GPM6A: variants seen among roughly 807,000 people sequenced by gnomAD.
GPM6A encodes neuronal membrane glycoprotein M6-a.
A neutral mutation model predicts 32.1 loss-of-function variants in GPM6A; 7 were observed. That is an observed-to-expected ratio of 0.22 (90% CI 0.12 to 0.41). The LOEUF (loss-of-function observed/expected upper bound fraction) is 0.41, where lower values mean the gene tolerates loss of function less well. Among genes scored for constraint, GPM6A ranks in the 10% least tolerant of loss-of-function variants. The pLI is 1.00. For missense variants in GPM6A, 235 were observed against 347.2 expected (o/e 0.68, Z 2.57); for synonymous variants, 130 against 123.4 (o/e 1.05, Z -0.35).
intron 1 of GPM6A, among the ~76,000 whole-genome samples, chr4:175,801,748 T>C (rs1400209955): frequency 6.6e-6 from 1 of 152,134 alleles, no homozygotes; most frequent in Non-Finnish European, 1.5e-5. Context: ...TACAGTGGTG[T>C]TGCTTTTGCA....
At chr4:175,978,035 T>C (rs887783438) in intron 1 of GPM6A, among the ~76,000 whole-genome samples, 2 of 152,238 alleles carry the variant, frequency 1.3e-5, no homozygotes, top group African/African-American at 2.4e-5. Context: ...TGTTACTTTT[T>C]TCAAGATGCT....
intron 1 of GPM6A, among the ~76,000 whole-genome samples, chr4:175,964,859 A>T (rs996683149): frequency 2.0e-5 from 3 of 152,220 alleles, no homozygotes; most frequent in Non-Finnish European, 4.4e-5. Flanking sequence ...ATGATAAAGG[A>T]GTCAATTCTC....
At chr4:175,677,863 G>C (rs965967735) in intron 2 of GPM6A, among the ~76,000 whole-genome samples, 1 of 152,076 alleles carries the variant, frequency 6.6e-6, no homozygotes, top group Non-Finnish European at 1.5e-5. Context: ...TGAAAAACGT[G>C]GTCACAGATT....
intron 1 of GPM6A, among the ~76,000 whole-genome samples, chr4:175,876,049 C>T (rs1229444523): frequency 1.3e-5 from 2 of 152,180 alleles, no homozygotes; most frequent in South Asian, 2.1e-4. Flanking sequence ...AGTCAGATAA[C>T]CTTTTTTGTC....
upstream of GPM6A, among the ~76,000 whole-genome samples, chr4:175,815,440 T>G (rs1735067494): frequency 1.3e-5 from 2 of 152,198 alleles, no homozygotes. Context: ...CACATTATAG[T>G]AGATTTGCTT....
At chr4:175,713,491 T>C (rs1235722939) in intron 1 of GPM6A, among the ~76,000 whole-genome samples, 1 of 152,172 alleles carries the variant, frequency 6.6e-6, no homozygotes, top group African/African-American at 2.4e-5. Flanking sequence ...GAGCCCTGCC[T>C]GATAGTCCCT....
At chr4:175,679,594 G>T (rs1414734499) in intron 2 of GPM6A, among the ~76,000 whole-genome samples, 1 of 152,058 alleles carries the variant, frequency 6.6e-6, no homozygotes. Flanking sequence ...TATCATGTTT[G>T]CAAAATGATG....
chr4:175,924,990 T>A (rs1397850854), intron 1 of GPM6A, among the ~76,000 whole-genome samples: 1 of 152,234 alleles, frequency 6.6e-6, no homozygotes, highest in Admixed American at 6.5e-5. Context: ...CTTAAGTTCA[T>A]GTTTAATGAA....
chr4:175,839,115 A>G (rs1735863334), intron 1 of GPM6A, among the ~76,000 whole-genome samples: 2 of 152,356 alleles, frequency 1.3e-5, no homozygotes, highest in Middle Eastern at 3.4e-3. Flanking sequence ...AAGCATTAAT[A>G]GCCTATTTAA....
At chr4:175,847,499 C>A (rs1351697995) in intron 1 of GPM6A, among the ~76,000 whole-genome samples, 1 of 152,124 alleles carries the variant, frequency 6.6e-6, no homozygotes, top group East Asian at 1.9e-4. Context: ...ATGCTGCCCA[C>A]CACTCAGTCA....
At chr4:175,686,393 A>G (rs1296988477) in intron 2 of GPM6A, among the ~76,000 whole-genome samples, 3 of 152,220 alleles carry the variant, frequency 2.0e-5, no homozygotes, top group African/African-American at 7.2e-5. Context: ...CTTTCATGGC[A>G]TAAATTGTGA....
chr4:175,656,623 A>G (rs1162690882), intron 3 of GPM6A, among the ~76,000 whole-genome samples: 10 of 152,184 alleles, frequency 6.6e-5, no homozygotes, highest in Admixed American at 6.5e-5. Context: ...TTGCTTCTTG[A>G]TTATGTAGCC....
At chr4:175,709,651 C>A (rs1745420293) in intron 1 of GPM6A, among the ~76,000 whole-genome samples, 1 of 150,840 alleles carries the variant, frequency 6.6e-6, no homozygotes, top group Admixed American at 6.6e-5. Context: ...TCGCTTGAAC[C>A]CGGGAGGTGG....
chr4:175,811,501 A>T (rs142021340), intron 1 of GPM6A, among the ~76,000 whole-genome samples: 3 of 152,276 alleles, frequency 2.0e-5, no homozygotes, highest in African/African-American at 7.2e-5. Context: ...CAAAAATGGA[A>T]ATTTCACTTT....
chr4:175,843,963 C>T (rs1736015164), intron 1 of GPM6A, among the ~76,000 whole-genome samples: 1 of 152,164 alleles, frequency 6.6e-6, no homozygotes, highest in South Asian at 2.1e-4. Context: ...TCCACCCCAC[C>T]TTTGCTATCT....
chr4:175,909,038 A>AGGGTG (rs1738224195), intron 1 of GPM6A, among the ~76,000 whole-genome samples: 1 of 4,284 alleles, frequency 2.3e-4, no homozygotes, highest in African/African-American at 3.6e-4. Context: ...CAAAAAAAAA[A>AGGGTG]GGGCGGGGGG....
chr4:175,957,802 G>T (rs1182498050), intron 1 of GPM6A, among the ~76,000 whole-genome samples: 1 of 152,144 alleles, frequency 6.6e-6, no homozygotes, highest in Non-Finnish European at 1.5e-5. Context: ...TTTTGTTTGT[G>T]CCTACCTTTG....
intron 2 of GPM6A, among the ~76,000 whole-genome samples, chr4:175,681,417 C>G (rs1743681746): frequency 6.6e-6 from 1 of 151,994 alleles, no homozygotes; most frequent in South Asian, 2.1e-4. Context: ...ATGTGTTTGC[C>G]ATTTTACCAT....
chr4:175,695,772 C>T (rs1270484838), intron 2 of GPM6A, among the ~76,000 whole-genome samples: 2 of 152,082 alleles, frequency 1.3e-5, no homozygotes, highest in African/African-American at 4.8e-5. Context: ...TATTTGGCAA[C>T]TTGAGAAGGA....
Sources: allele counts gnomAD v4.1 joint callset (sites outside exome capture counted in the v4.1 genomes callset), GRCh38; gene constraint gnomAD v4.1.1; transcripts MANE v1.5; gene names NCBI Gene and HGNC (gene_info 2026-07-23, HGNC 2026-07-21).